TCF4: variants seen among roughly 807,000 people sequenced by gnomAD.
TCF4 encodes the protein transcription factor 4.
Under a neutral mutation model 82.1 loss-of-function variants are expected in TCF4, and 3 were observed. That is an observed-to-expected ratio of 0.04 (90% CI 0.02 to 0.09). The LOEUF (loss-of-function observed/expected upper bound fraction) is 0.09, where lower values mean the gene tolerates loss of function less well. Among genes scored for constraint, TCF4 ranks in the 10% least tolerant of loss-of-function variants. The probability of loss-of-function intolerance (pLI) is 1.00; values close to 1 mark genes in which losing one functional copy is unlikely to be tolerated. For missense variants in TCF4, 518 were observed against 852.7 expected, an observed-to-expected ratio of 0.61 and a Z score of 4.89; for synonymous variants, 276 against 309.6, an observed-to-expected ratio of 0.89 and a Z score of 1.14.
intron 3 of TCF4, among the ~76,000 whole-genome samples, chr18:55,567,129 A>G (rs542501713): frequency 1.3e-5 from 2 of 152,324 alleles, no homozygotes; most frequent in African/African-American, 4.8e-5. Flanking sequence ...GAATAACTGA[A>G]AACAAAAAAT....
At chr18:55,377,413 A>C (rs369596693) in intron 6 of TCF4, among the ~76,000 whole-genome samples, 4 of 152,174 alleles carry the variant, frequency 2.6e-5, no homozygotes, top group East Asian at 3.9e-4. Context: ...TCCTCTACCT[A>C]ATGGACACGT....
intron 14 of TCF4, among the ~76,000 whole-genome samples, chr18:55,256,269 C>A (rs1329674362): frequency 6.6e-6 from 1 of 152,096 alleles, no homozygotes; most frequent in Non-Finnish European, 1.5e-5. Context: ...CTATACACCC[C>A]GTCTTTACAG....
intron 5 of TCF4, among the ~76,000 whole-genome samples, chr18:55,454,922 C>A (rs529326150): frequency 9.9e-5 from 15 of 152,188 alleles, no homozygotes; most frequent in African/African-American, 3.4e-4. Flanking sequence ...CGTGGTGGCT[C>A]ACGCCTGTAA....
At chr18:55,552,449 C>T (rs996825986) in intron 3 of TCF4, among the ~76,000 whole-genome samples, 1 of 152,186 alleles carries the variant, frequency 6.6e-6, no homozygotes, top group African/African-American at 2.4e-5. Context: ...GAATTAATTA[C>T]TGACTTGTGA....
At chr18:55,350,745 C>A in intron 7 of TCF4, 129 bp downstream of exon 7, 1 of 1,368,536 alleles carries the variant, frequency 7.3e-7, no homozygotes, top group South Asian at 1.3e-5. Flanking sequence ...TCCAGGCTGA[C>A]AACTGAGCCA....
chr18:55,535,610 A>G (rs2097108067), intron 3 of TCF4, among the ~76,000 whole-genome samples: 1 of 152,194 alleles, frequency 6.6e-6, no homozygotes, highest in Non-Finnish European at 1.5e-5. Context: ...ATGTGGCAAT[A>G]AAATATATTT....
At chr18:55,388,193 T>C (rs569775391) in intron 6 of TCF4, among the ~76,000 whole-genome samples, 2 of 152,360 alleles carry the variant, frequency 1.3e-5, no homozygotes, top group South Asian at 4.1e-4. Flanking sequence ...AAAAGCTTGA[T>C]CTACTCAATG....
chr18:55,396,518 T>A (rs2093500379), intron 6 of TCF4, among the ~76,000 whole-genome samples: 1 of 152,140 alleles, frequency 6.6e-6, no homozygotes, highest in Non-Finnish European at 1.5e-5. Context: ...AGCAACCCCC[T>A]CGAGTCGGCC....
intron 3 of TCF4, among the ~76,000 whole-genome samples, chr18:55,558,463 A>G (rs1273138149): frequency 6.6e-6 from 1 of 152,200 alleles, no homozygotes; most frequent in Non-Finnish European, 1.5e-5. Flanking sequence ...TGAAACTAGA[A>G]AATAAGTAAC....
chr18:55,582,708 A>G (rs894370481), intron 3 of TCF4, among the ~76,000 whole-genome samples: 18 of 152,146 alleles, frequency 1.2e-4, no homozygotes, highest in African/African-American at 4.1e-4. Context: ...GCTATTGGGA[A>G]CTTTAAGCAT....
At chr18:55,259,786 C>T (rs974291746) in intron 13 of TCF4, 163 bp downstream of exon 13, 1 of 650,048 alleles carries the variant, frequency 1.5e-6, no homozygotes, top group Non-Finnish European at 2.8e-6. Flanking sequence ...ATACTGTTAT[C>T]TGGTAATTTG....
intron 8 of TCF4, among the ~76,000 whole-genome samples, chr18:55,319,546 T>C (rs2074987725): frequency 1.3e-5 from 2 of 152,140 alleles, no homozygotes; most frequent in Admixed American, 1.3e-4. Flanking sequence ...GTGTGTACAA[T>C]TTGCCTCTTT....
chr18:55,457,433 G>A (rs1362460138), intron 5 of TCF4, among the ~76,000 whole-genome samples: 1 of 152,306 alleles, frequency 6.6e-6, no homozygotes, highest in South Asian at 2.1e-4. Flanking sequence ...CTATCAAATA[G>A]TGCATTTTTC....
At chr18:55,255,828 G>C (rs1293302663) in intron 14 of TCF4, among the ~76,000 whole-genome samples, 1 of 152,156 alleles carries the variant, frequency 6.6e-6, no homozygotes, top group African/African-American at 2.4e-5. Context: ...CTTTGCACTA[G>C]ATCATGCTAC....
chr18:55,266,170 C>A (rs148158197), intron 11 of TCF4: 18 of 152,146 alleles, frequency 1.2e-4, no homozygotes, highest in African/African-American at 4.3e-4. Flanking sequence ...TCAGGAAGGG[C>A]TACTGGATAT....
At chr18:55,245,202 C>T (rs1022879452) in intron 15 of TCF4, among the ~76,000 whole-genome samples, 3 of 152,084 alleles carry the variant, frequency 2.0e-5, no homozygotes, top group African/African-American at 2.4e-5. Flanking sequence ...TACTATGAAC[C>T]CATTTTCAAC....
chr18:55,619,809 T>C (rs927567690), intron 2 of TCF4, among the ~76,000 whole-genome samples: 4 of 152,196 alleles, frequency 2.6e-5, no homozygotes, highest in Admixed American at 2.6e-4. Context: ...GTGCTGGATG[T>C]TTTTGTATAC....
chr18:55,365,380 T>C (rs980648105), intron 6 of TCF4, among the ~76,000 whole-genome samples: 2 of 151,218 alleles, frequency 1.3e-5, no homozygotes, highest in Admixed American at 1.3e-4. Context: ...TTTGCCCAAA[T>C]TATTTCTTGT....
intron 6 of TCF4, among the ~76,000 whole-genome samples, chr18:55,358,975 T>C (rs1400143616): frequency 6.6e-6 from 1 of 152,222 alleles, no homozygotes; most frequent in Non-Finnish European, 1.5e-5. Flanking sequence ...TATTTAAATA[T>C]GTTGTACATT....
Sources: gnomAD v4.1 joint callset for allele counts (sites outside exome capture counted in the v4.1 genomes callset) on GRCh38, gnomAD v4.1.1 for gene constraint, MANE v1.5 for transcripts, NCBI Gene and HGNC (gene_info 2026-07-23, HGNC 2026-07-21) for gene names.